Variants in TJP1 observed in about 807,000 individuals in gnomAD.
TJP1 encodes the protein tight junction protein 1.
In TJP1, 43 loss-of-function variants were observed where a neutral mutation model predicts 194.2. The observed-to-expected ratio is 0.22, with a 90% CI of 0.17 to 0.29. TJP1 has a LOEUF of 0.29. TJP1 is among the 10% of genes least tolerant of loss of function. The pLI, the probability that TJP1 is intolerant of heterozygous loss-of-function variation, is 1.00. For missense variants in TJP1, 1,971 were observed against 2,185.7 expected, an observed-to-expected ratio of 0.90 and a Z score of 1.96; for synonymous variants, 801 against 779.0, an observed-to-expected ratio of 1.03 and a Z score of -0.47.
chr15:29,801,683 G>A (rs546654652), intron 1 of TJP1, among the ~76,000 whole-genome samples: 10 of 151,310 alleles, frequency 6.6e-5, no homozygotes, highest in Non-Finnish European at 1.3e-4. Flanking sequence ...GGATGGTCTC[G>A]ATCTCCTGAC....
At chr15:29,818,039 T>C (rs867591792) in intron 1 of TJP1, among the ~76,000 whole-genome samples, 30 of 151,936 alleles carry the variant, frequency 2.0e-4, no homozygotes, top group Middle Eastern at 3.4e-3. Context: ...TGTGCTCCAC[T>C]TGATACAATA....
intron 2 of TJP1, among the ~76,000 whole-genome samples, chr15:29,831,676 G>C (rs561693684): frequency 9.9e-5 from 15 of 152,188 alleles, no homozygotes; most frequent in Non-Finnish European, 1.3e-4. Context: ...AAGACAACTA[G>C]AGAAATTTGA....
intron 2 of TJP1, among the ~76,000 whole-genome samples, chr15:29,886,635 A>G (rs1367241103): frequency 6.6e-6 from 1 of 151,688 alleles, no homozygotes; most frequent in Non-Finnish European, 1.5e-5. Flanking sequence ...CTAGATATAC[A>G]AAACCAAATT....
intron 2 of TJP1, among the ~76,000 whole-genome samples, chr15:29,775,987 A>C (rs1783326891): frequency 1.3e-5 from 2 of 152,126 alleles, no homozygotes; most frequent in African/African-American, 4.8e-5. Flanking sequence ...CCTCAGTACA[A>C]TATATTGTTT....
chr15:29,860,712 G>A (rs1173440889), intron 2 of TJP1, among the ~76,000 whole-genome samples: 1 of 151,988 alleles, frequency 6.6e-6, no homozygotes, highest in Non-Finnish European at 1.5e-5. Context: ...CCATCTTTTG[G>A]TTATTAGGAA....
chr15:29,926,014 A>G (rs2054513390), intron 2 of TJP1, among the ~76,000 whole-genome samples: 1 of 152,156 alleles, frequency 6.6e-6, no homozygotes, highest in Non-Finnish European at 1.5e-5. Flanking sequence ...CAAGCCTTGG[A>G]GGGAGGGAGC....
chr15:29,957,484 T>C (rs1399643637), intron 1 of TJP1, among the ~76,000 whole-genome samples: 1 of 152,218 alleles, frequency 6.6e-6, no homozygotes, highest in East Asian at 1.9e-4. Context: ...CAGATGTGTT[T>C]ATTTCCTTTT....
intron 2 of TJP1, among the ~76,000 whole-genome samples, chr15:29,900,203 G>C (rs923019611): frequency 3.9e-5 from 6 of 152,160 alleles, no homozygotes; most frequent in African/African-American, 1.4e-4. Context: ...GCAGGAGTGT[G>C]CTGGGCACGT....
intron 1 of TJP1, among the ~76,000 whole-genome samples, chr15:29,956,900 T>TAA (rs201047644): frequency 6.8e-5 from 10 of 146,258 alleles, no homozygotes; most frequent in African/African-American, 1.5e-4. Context: ...GGTTTTTTTT[T>TAA]AAAAAAAGAT....
intron 2 of TJP1, among the ~76,000 whole-genome samples, chr15:29,832,368 C>CT (rs2050863422): frequency 6.6e-6 from 1 of 152,190 alleles, no homozygotes; most frequent in East Asian, 1.9e-4. Context: ...AAGCCACAAA[C>CT]TGACTGCATC....
At chr15:29,913,705 G>T (rs934795151) in intron 2 of TJP1, among the ~76,000 whole-genome samples, 10 of 152,102 alleles carry the variant, frequency 6.6e-5, no homozygotes, top group Non-Finnish European at 5.9e-5. Context: ...TGACAACAAA[G>T]TTTCTAGCTT....
At chr15:29,733,446 G>A (rs2043805553) in intron 12 of TJP1, 133 bp from the exon 13 acceptor site, 4 of 685,322 alleles carry the variant, frequency 5.8e-6, no homozygotes, top group Non-Finnish European at 9.6e-6. Context: ...GCCAGGTACT[G>A]TATTATTTCA....
At chr15:29,783,977 A>AT (rs982201394) in intron 2 of TJP1, among the ~76,000 whole-genome samples, 1 of 152,188 alleles carries the variant, frequency 6.6e-6, no homozygotes, top group African/African-American at 2.4e-5. Flanking sequence ...AACAAATAAC[A>AT]TTTTTAAAAA....
At chr15:29,873,924 A>ATG (rs2052611205) in intron 2 of TJP1, among the ~76,000 whole-genome samples, 1 of 152,232 alleles carries the variant, frequency 6.6e-6, no homozygotes, top group Non-Finnish European at 1.5e-5. Flanking sequence ...ATATTGCACA[A>ATG]AGTACAGCAT....
At chr15:29,699,425 A>G (rs1002927321), downstream of TJP1, 5 of 152,232 alleles carry the variant, frequency 3.3e-5, no homozygotes, top group Admixed American at 1.3e-4. Context: ...AACAGAAGAG[A>G]TCATCCTGCC....
At chr15:29,965,127 T>C in intron 1 of TJP1, among the ~76,000 whole-genome samples, 1 of 152,204 alleles carries the variant, frequency 6.6e-6, no homozygotes, top group Non-Finnish European at 1.5e-5. Context: ...CACAGATATA[T>C]AAATATCTTC....
chr15:29,940,854 T>C (rs1050594575), intron 2 of TJP1, among the ~76,000 whole-genome samples: 5 of 152,126 alleles, frequency 3.3e-5, no homozygotes, highest in African/African-American at 1.2e-4. Context: ...CCATGGCCTA[T>C]GTCACCAATC....
At position 29,700,511 on chromosome 15, in the gene TJP1, A is replaced by C. The variant is rs1595526739; in HGVS notation, c.*1084T>G. 1 of 398,940 alleles carries C rather than the reference A, an allele frequency of 2.5e-6. No homozygotes were observed. Among genetic ancestry groups the C allele is most frequent in the East Asian group, 3.6e-5 (1 of 28,058 alleles). The allele number at this position is 398,940 out of a possible 1,614,324, so 24.7% of individuals were successfully genotyped here. On this transcript the variant is annotated 3_prime_UTR_variant, in exon 28 of 28. Coordinates refer to ENST00000614355, the MANE Select transcript of TJP1 (RefSeq NM_001330239.4). ...GCTGCTTTATTGCTGCAGAGGTCAA[A>C]GTTCAAGGCTCAAGAGGTACAGGAG...
Position 29,741,403 on chromosome 15 carries a change from G to T in TJP1, c.1184C>A (p.Pro395Gln), listed in dbSNP as rs911058609. The change falls in exon 10 of 28, where the codon CCA becomes CAA. Residue 395 changes from proline to glutamine, a missense_variant. Coordinates refer to ENST00000614355, the MANE Select transcript of TJP1 (RefSeq NM_001330239.4). ...TGGACTGACAGGTAAATCCACATCT[G>T]GTTGCCCAACTTGGGCATACACAGG... Reference protein sequence around the residue: ...PKPVYAQVGQPDVDLPVSPSD... With the variant: ...PKPVYAQVGQQDVDLPVSPSD... 15 of 1,604,906 alleles carry T rather than the reference G, an allele frequency of 9.3e-6. No homozygotes were observed. The highest frequency in any genetic ancestry group is 1.2e-5 in the Non-Finnish European group (14 of 1,177,214).
Sources: allele counts gnomAD v4.1 joint callset (sites outside exome capture counted in the v4.1 genomes callset), GRCh38; gene constraint gnomAD v4.1.1; transcripts MANE v1.5; gene names NCBI Gene and HGNC (gene_info 2026-07-23, HGNC 2026-07-21).